The following SOX6 variants were observed in gnomAD, a reference collection of about 807,000 sequenced individuals.
The protein encoded by SOX6 is transcription factor SOX-6.
In SOX6, 11 loss-of-function variants were observed where a neutral mutation model predicts 97.8. That is an observed-to-expected ratio of 0.11 (90% CI 0.07 to 0.19). The LOEUF (loss-of-function observed/expected upper bound fraction) is 0.19. Ranked by LOEUF, SOX6 falls within the 10% of genes least tolerant of loss-of-function variation. The pLI is 1.00. For synonymous variants in SOX6, 360 were observed against 371.4 expected (o/e 0.97, Z 0.35); for missense variants, 810 against 1,039.5 (o/e 0.78, Z 3.04).
At chr11:16,090,136 C>A (rs1169696600) in intron 9 of SOX6, among the ~76,000 whole-genome samples, 2 of 152,074 alleles carry the variant, frequency 1.3e-5, no homozygotes, top group African/African-American at 4.8e-5. Context: ...AATGTAATTA[C>A]ATGCGTTCAC....
At chr11:16,040,491 C>T (rs1017075971) in intron 12 of SOX6, among the ~76,000 whole-genome samples, 4 of 151,980 alleles carry the variant, frequency 2.6e-5, no homozygotes, top group African/African-American at 7.2e-5. Context: ...ACTTACCTTG[C>T]TTTTCTCTAA....
intron 12 of SOX6, among the ~76,000 whole-genome samples, chr11:16,016,717 T>A (rs1365252699): frequency 2.6e-5 from 4 of 152,050 alleles, no homozygotes; most frequent in Non-Finnish European, 4.4e-5. Context: ...AGAATTAAAG[T>A]GGAGATGAGT....
At chr11:16,056,270 C>T (rs957296811) in intron 9 of SOX6, among the ~76,000 whole-genome samples, 3 of 151,968 alleles carry the variant, frequency 2.0e-5, no homozygotes, top group African/African-American at 7.3e-5. Flanking sequence ...GGGATGTCCA[C>T]TTGTTTAATA....
At chr11:16,439,751 AC>A (rs1380599280) in intron 1 of SOX6, among the ~76,000 whole-genome samples, 2 of 152,210 alleles carry the variant, frequency 1.3e-5, no homozygotes, top group Non-Finnish European at 2.9e-5. Context: ...ACTGAAATTT[AC>A]AGCAGGGAAA....
At chr11:16,659,752 T>C (rs919481527) in intron 3 of SOX6, among the ~76,000 whole-genome samples, 1 of 152,176 alleles carries the variant, frequency 6.6e-6, no homozygotes, top group Non-Finnish European at 1.5e-5. Flanking sequence ...AGTGAAACCA[T>C]CTGGGCCTGG....
At chr11:16,015,666 G>A (rs1021100492) in intron 12 of SOX6, among the ~76,000 whole-genome samples, 2 of 151,992 alleles carry the variant, frequency 1.3e-5, no homozygotes, top group African/African-American at 4.8e-5. Flanking sequence ...GCTTTAGGAG[G>A]GAAACCCAGA....
intron 6 of SOX6, among the ~76,000 whole-genome samples, chr11:16,118,948 C>T (rs955602351): frequency 6.6e-6 from 1 of 151,778 alleles, no homozygotes; most frequent in African/African-American, 2.4e-5. Flanking sequence ...TGTGTGTATA[C>T]CATGACAGAG....
chr11:15,972,966 T>C lies in SOX6; in HGVS notation c.2330A>G (p.Gln777Arg), dbSNP rs745369816. 9.9e-6 allele frequency: 16 copies of C among 1,614,240 alleles called. No homozygotes were observed. Among genetic ancestry groups the C allele is most frequent in the East Asian group, 2.2e-5 (1 of 44,890 alleles). Residue 777 changes from glutamine (Q) to arginine (R), a missense_variant, in exon 16 of 16, where the codon CAG (glutamine) becomes CGG (arginine). Transcript: ENST00000683767. ...ASPEPSLPVI[Q>R]STYGMKTDGG... The stretch of plus-strand genomic sequence containing the variant: ...ATCTGTCTTCATACCATAAGTGCTC[T>C]GGATGACCGGGAGGCTGGGCTCCGG...
chr11:16,611,220 CAATT>C (rs1848393821), intron 4 of SOX6, among the ~76,000 whole-genome samples: 1 of 152,184 alleles, frequency 6.6e-6, no homozygotes, highest in Non-Finnish European at 1.5e-5. Context: ...AAGGACAAGG[CAATT>C]AATTCTGCTC....
At chr11:16,103,366 TA>T (rs1208568696) in intron 7 of SOX6, among the ~76,000 whole-genome samples, 1 of 147,304 alleles carries the variant, frequency 6.8e-6, no homozygotes, top group African/African-American at 2.6e-5. Flanking sequence ...AAAAAAAAAA[TA>T]AATAATGATA....
chr11:16,163,875 G>C (rs1850818900), intron 6 of SOX6, among the ~76,000 whole-genome samples: 1 of 152,160 alleles, frequency 6.6e-6, no homozygotes, highest in South Asian at 2.1e-4. Context: ...AGGTATATTT[G>C]TAACTCAACC....
At position 16,341,232 on chromosome 11, in the gene SOX6, G is replaced by T; in HGVS notation, c.17C>A (p.Ala6Asp). ...AGCTGCACAGGCAAATGGAGAGGTG[G>T]CTTGCTTGGAAGACATTCTTCTGCA... MSSKQ[A>D]TSPFACAADG... is the part of the protein sequence containing the mutation. The change falls in exon 2 of 16, where the codon GCC becomes GAC. Residue 6 changes from alanine to aspartate, a missense_variant. By Grantham distance (126) the Ala-to-Asp change is moderately radical. This residue lies in a region of SOX6 where 100 missense variants were observed against 94.6 expected (regional missense o/e 1.06). Coordinates refer to ENST00000683767, the MANE Select transcript of SOX6 (RefSeq NM_001367873.1). The T allele has an allele frequency of 6.2e-7, 1 of 1,613,254 alleles. No individual in the cohort carries two copies. Among genetic ancestry groups the T allele is most frequent in the Non-Finnish European group, 8.5e-7 (1 of 1,179,516 alleles).
intron 3 of SOX6, among the ~76,000 whole-genome samples, chr11:16,680,991 C>T (rs1847923243): frequency 6.6e-6 from 1 of 152,174 alleles, no homozygotes; most frequent in South Asian, 2.1e-4. Flanking sequence ...CAGACTTAGA[C>T]TCCCACACAA....
At chr11:16,159,067 C>T (rs1850675024) in intron 6 of SOX6, among the ~76,000 whole-genome samples, 1 of 152,024 alleles carries the variant, frequency 6.6e-6, no homozygotes, top group South Asian at 2.1e-4. Context: ...CCAATAAGCT[C>T]ACCTTATACC....
chr11:16,141,571 C>T (rs1336443072), intron 6 of SOX6, among the ~76,000 whole-genome samples: 1 of 152,126 alleles, frequency 6.6e-6, no homozygotes, highest in Non-Finnish European at 1.5e-5. Context: ...CAAGGCATCA[C>T]CTCACCCGAA....
rs1474900190 is a variant in SOX6 at position 16,402,759 on chromosome 11, A to G, written c.-4-61507T>C. Reference sequence around the variant, plus strand: ...GACTTAGGGGCTGGCTAGAAATATTAGGAAAAAAAACAATCTACTATTGTT... The same window carrying G: ...GACTTAGGGGCTGGCTAGAAATATTGGGAAAAAAAACAATCTACTATTGTT... On this transcript the variant is annotated intron_variant, in intron 1 of 15. Coordinates refer to the SOX6 transcript ENST00000396356. The G allele has an allele frequency of 1.5e-5, 24 of 1,608,120 alleles. No homozygotes were observed. The East Asian group carries it at 5.4e-4, about 36-fold the overall frequency.
intron 3 of SOX6, among the ~76,000 whole-genome samples, chr11:16,250,965 C>T (rs1853492053): frequency 6.6e-6 from 1 of 151,974 alleles, no homozygotes; most frequent in Non-Finnish European, 1.5e-5. Context: ...AGTGTATGGC[C>T]TTTTATCACA....
At chr11:16,559,370 G>C (rs1847783754) in intron 4 of SOX6, among the ~76,000 whole-genome samples, 1 of 152,008 alleles carries the variant, frequency 6.6e-6, no homozygotes, top group Admixed American at 6.6e-5. Context: ...AGTTTCAACA[G>C]ACAGATACAG....
intron 3 of SOX6, among the ~76,000 whole-genome samples, chr11:16,262,919 A>T (rs1853946333): frequency 6.6e-6 from 1 of 151,912 alleles, no homozygotes; most frequent in Admixed American, 6.6e-5. Context: ...AAACCTAAAA[A>T]ATCTACCATT....
Sources: allele counts gnomAD v4.1 joint callset (sites outside exome capture counted in the v4.1 genomes callset), GRCh38; gene constraint gnomAD v4.1.1; regional missense constraint gnomAD v4.1.1; transcripts MANE v1.5; gene names NCBI Gene and HGNC (gene_info 2026-07-23, HGNC 2026-07-21).